LIN52: variants seen among roughly 807,000 people sequenced by gnomAD.
LIN52 encodes the protein lin-52 DREAM MuvB core complex component, also known as protein lin-52 homolog.
A neutral mutation model predicts 18.5 loss-of-function variants in LIN52; 4 were observed. The ratio of observed to expected loss-of-function variants is 0.22; its 90% CI spans 0.11 to 0.49. The LOEUF (loss-of-function observed/expected upper bound fraction) is 0.49, where lower values mean the gene tolerates loss of function less well. Among genes scored for constraint, LIN52 ranks in the 20% least tolerant of loss-of-function variants. LIN52 has a pLI of 0.97. For missense variants in LIN52, 102 were observed against 139.5 expected, an observed-to-expected ratio of 0.73 and a Z score of 1.35; for synonymous variants, 34 against 45.5, an observed-to-expected ratio of 0.75 and a Z score of 1.02.
At chr14:74,171,967 C>A (rs1045052658) in intron 5 of LIN52, among the ~76,000 whole-genome samples, 1 of 152,052 alleles carries the variant, frequency 6.6e-6, no homozygotes, top group African/African-American at 2.4e-5. Context: ...CTCTAACTGA[C>A]CTCAGATGAT....
chr14:74,099,824 T>C (rs1355222929), intron 4 of LIN52, among the ~76,000 whole-genome samples: 1 of 152,166 alleles, frequency 6.6e-6, no homozygotes, highest in Non-Finnish European at 1.5e-5. Flanking sequence ...AACCAGTTTA[T>C]TGATCTGGGT....
At chr14:74,161,507 T>C (rs943874300) in intron 5 of LIN52, among the ~76,000 whole-genome samples, 16 of 152,096 alleles carry the variant, frequency 1.1e-4, no homozygotes, top group Admixed American at 6.5e-4. Flanking sequence ...AAATTTAAAA[T>C]AAAAAATGTT....
chr14:74,164,287 G>T (rs1387326378), intron 5 of LIN52, among the ~76,000 whole-genome samples: 4 of 148,420 alleles, frequency 2.7e-5, no homozygotes, highest in East Asian at 2.0e-4. Context: ...AGCCGTTTTT[G>T]TTTTTTTTTG....
intron 5 of LIN52, among the ~76,000 whole-genome samples, chr14:74,150,319 A>G (rs1243283881): frequency 1.3e-5 from 2 of 152,250 alleles, no homozygotes; most frequent in Non-Finnish European, 2.9e-5. Flanking sequence ...ATTGATAAAG[A>G]ACATAGTAGA....
At chr14:74,096,623 AAG>A (rs1042798792) in intron 3 of LIN52, among the ~76,000 whole-genome samples, 39 of 152,286 alleles carry the variant, frequency 2.6e-4, no homozygotes, top group South Asian at 2.1e-3. Flanking sequence ...TAATTAAAAA[AAG>A]AGAAAGACGC....
intron 5 of LIN52, among the ~76,000 whole-genome samples, chr14:74,145,769 G>GT (rs1169865057): frequency 6.6e-6 from 1 of 152,076 alleles, no homozygotes; most frequent in African/African-American, 2.4e-5. Context: ...AAAGTGTTTT[G>GT]TTTTTTTGTT....
chr14:74,130,278 G>GGTTTTTTTTTTTTTTTTTT (rs2061054384), intron 5 of LIN52, among the ~76,000 whole-genome samples: 2 of 64,842 alleles, frequency 3.1e-5, no homozygotes, highest in African/African-American at 6.3e-5. Flanking sequence ...GCATTTTTTG[G>GGTTTTTTTTTTTTTTTTTT]TTTTTTTTTT....
intron 5 of LIN52, among the ~76,000 whole-genome samples, chr14:74,179,027 T>TA (rs955049867): frequency 1.3e-5 from 2 of 151,998 alleles, no homozygotes; most frequent in African/African-American, 4.8e-5. Context: ...TTTGAGGAGC[T>TA]ATGATCACGC....
chr14:74,108,529 C>G (rs1345417929), intron 5 of LIN52, among the ~76,000 whole-genome samples: 1 of 152,084 alleles, frequency 6.6e-6, no homozygotes, highest in African/African-American at 2.4e-5. Flanking sequence ...TTTCTCACAC[C>G]CTTGCCAATA....
intron 5 of LIN52, among the ~76,000 whole-genome samples, chr14:74,118,674 T>C (rs1452662375): frequency 6.6e-6 from 1 of 152,152 alleles, no homozygotes; most frequent in Admixed American, 6.5e-5. Flanking sequence ...CTTGGGAGGC[T>C]GAGGTGGGAG....
At chr14:74,107,257 A>G (rs1396052504) in intron 5 of LIN52, among the ~76,000 whole-genome samples, 1 of 151,846 alleles carries the variant, frequency 6.6e-6, no homozygotes, top group Non-Finnish European at 1.5e-5. Context: ...TTCTACTTGA[A>G]CCCTACTCCA....
chr14:74,198,614 G>C (rs984432845), intron 5 of LIN52, among the ~76,000 whole-genome samples: 2 of 152,224 alleles, frequency 1.3e-5, no homozygotes, highest in Admixed American at 1.3e-4. Context: ...TATTAGGTTA[G>C]ATTCTAGAGA....
At chr14:74,181,821 T>A (rs2061319985) in intron 5 of LIN52, among the ~76,000 whole-genome samples, 1 of 152,156 alleles carries the variant, frequency 6.6e-6, no homozygotes, top group South Asian at 2.1e-4. Context: ...ACAGGGAAAA[T>A]AACCACTACC....
Position 74,183,877 on chromosome 14 carries a change from A to T in LIN52, c.284-15045A>T, listed in dbSNP as rs895396150. ...AACATATCAAACAGAATAAAATAAT[A>T]ATTATTTAATAACATCTAATAGTCC... On this transcript the variant is annotated intron_variant, in intron 5 of 5. Coordinates refer to ENST00000555028, the MANE Select transcript of LIN52 (RefSeq NM_001024674.3). Among the ~76,000 whole-genome samples the T allele has an allele frequency of 2.5e-4, 38 of 152,320 alleles. 1 individual carries two copies. Among genetic ancestry groups the T allele is most frequent in the South Asian group, 6.2e-4 (3 of 4,826 alleles).
intron 5 of LIN52, among the ~76,000 whole-genome samples, chr14:74,152,688 G>T (rs568993687): frequency 6.6e-6 from 1 of 151,714 alleles, no homozygotes; most frequent in Non-Finnish European, 1.5e-5. Context: ...CCAGCTGGGC[G>T]CAGTGGCTTA....
Position 74,091,220 on chromosome 14 carries a change from G to A in LIN52, c.20-12G>A. ...TCCTGTCTTCTTGGTTCATCTGGAT[G>A]TTTTGTTCTAGGGACAGATCTGGAA... On this transcript the variant is annotated splice_polypyrimidine_tract_variant and intron_variant, in intron 1 of 5. Coordinates refer to ENST00000555028, the MANE Select transcript of LIN52 (RefSeq NM_001024674.3). 2.5e-6 allele frequency: 4 copies of A among 1,596,338 alleles called. No homozygotes were observed. The highest frequency in any genetic ancestry group is 3.4e-6 in the Non-Finnish European group (4 of 1,165,352).
intron 5 of LIN52, among the ~76,000 whole-genome samples, chr14:74,123,837 GA>G (rs1326392806): frequency 2.0e-5 from 3 of 152,150 alleles, no homozygotes; most frequent in Admixed American, 2.0e-4. Flanking sequence ...TGAGTATAAA[GA>G]AAACTAGCCT....
At chr14:74,118,811 C>G (rs1224910179) in intron 5 of LIN52, among the ~76,000 whole-genome samples, 2 of 152,158 alleles carry the variant, frequency 1.3e-5, no homozygotes, top group African/African-American at 4.8e-5. Context: ...AATACAAAAT[C>G]TCCTTTGTGC....
At chr14:74,175,779 T>C (rs1323960491) in intron 5 of LIN52, among the ~76,000 whole-genome samples, 1 of 149,294 alleles carries the variant, frequency 6.7e-6, no homozygotes, top group Non-Finnish European at 1.5e-5. Context: ...ACCAAAATCT[T>C]CTCCTTCTTT....
Sources: gnomAD v4.1 joint callset for allele counts (sites outside exome capture counted in the v4.1 genomes callset) on GRCh38, gnomAD v4.1.1 for gene constraint, MANE v1.5 for transcripts, NCBI Gene and HGNC (gene_info 2026-07-23, HGNC 2026-07-21) for gene names.